The following HP1BP3 variants were observed in gnomAD, a reference collection of about 807,000 sequenced individuals.
HP1BP3 encodes the protein heterochromatin protein 1 binding protein 3, also known as heterochromatin protein 1-binding protein 3.
In HP1BP3, 12 loss-of-function variants were observed where a neutral mutation model predicts 62.5. That is an observed-to-expected ratio of 0.19 (90% CI 0.12 to 0.31). HP1BP3 has a LOEUF of 0.31. Among genes scored for constraint, HP1BP3 ranks in the 10% least tolerant of loss-of-function variants. The probability of loss-of-function intolerance (pLI) is 1.00; values close to 1 mark genes in which losing one functional copy is unlikely to be tolerated. For missense variants in HP1BP3, 502 were observed against 651.8 expected (o/e 0.77, Z 2.50); for synonymous variants, 260 against 237.8 (o/e 1.09, Z -0.86).
In HP1BP3 at chr1:20,744,987, G is replaced by C; in HGVS notation, c.1472C>G (p.Ala491Gly). 1.2e-6 allele frequency: 2 copies of C among 1,614,190 alleles called. No individual in the cohort carries two copies. Among genetic ancestry groups the C allele is most frequent in the African/African-American group, 2.7e-5 (2 of 75,046 alleles). The change falls in exon 13 of 13, where the codon GCT becomes GGT. Residue 491 changes from alanine to glycine, a missense_variant. Transcript: ENST00000438032. Reference protein sequence around the residue: ...PKVSAAQRGKARPLPKKAPPK... With the variant: ...PKVSAAQRGKGRPLPKKAPPK... ...AGGTGCTTTCTTAGGCAAGGGCCTAGCTTTCCCCCGCTGGGCAGCTGAGAC... is the reference window on the plus strand; with the variant it reads ...AGGTGCTTTCTTAGGCAAGGGCCTACCTTTCCCCCGCTGGGCAGCTGAGAC...
At position 20,771,189 on chromosome 1, in the gene HP1BP3, A is replaced by G. The variant is rs990942243; in HGVS notation, c.511-116T>C. Reference sequence around the variant, plus strand: ...ATGATAGATGACAAAAACGGTAGGGAAGAATGAACTTCAGAAGACTTCAGT... The same window carrying G: ...ATGATAGATGACAAAAACGGTAGGGGAGAATGAACTTCAGAAGACTTCAGT... On this transcript the variant is annotated intron_variant, in intron 5 of 12. Coordinates refer to ENST00000438032, the MANE Select transcript of HP1BP3 (RefSeq NM_001372052.1). The G allele has an allele frequency of 1.1e-5, 9 of 785,382 alleles. No homozygotes were observed. The Admixed American group carries it at 2.6e-4, about 23-fold the overall frequency. 48.7% of individuals were successfully genotyped at this position (785,382 alleles called of 1,614,324 possible).
At chr1:20,782,645 G>C (rs2057614618) in intron 1 of HP1BP3, among the ~76,000 whole-genome samples, 1 of 151,372 alleles carries the variant, frequency 6.6e-6, no homozygotes, top group Admixed American at 6.6e-5. Context: ...GCTCACGCCT[G>C]TATCTCAGCA....
At chr1:20,751,375 T>C (rs1485109989) in intron 9 of HP1BP3, among the ~76,000 whole-genome samples, 1 of 151,824 alleles carries the variant, frequency 6.6e-6, no homozygotes, top group Non-Finnish European at 1.5e-5. Context: ...TTATAAAAAA[T>C]AATAAATAGC....
intron 3 of HP1BP3, among the ~76,000 whole-genome samples, chr1:20,778,719 AGAGTATATT>A (rs1332162786): frequency 6.6e-6 from 1 of 152,150 alleles, no homozygotes; most frequent in Non-Finnish European, 1.5e-5. Context: ...CAGCCAGAAA[AGAGTATATT>A]GACTGGTTAT....
chr1:20,776,659 T>C lies in HP1BP3; in HGVS notation c.288A>G (p.Pro96=), dbSNP rs1453308311. 6.2e-7 allele frequency: 1 copy of C among 1,613,960 alleles called. No homozygotes were observed. Among genetic ancestry groups the C allele is most frequent in the African/African-American group, 1.3e-5 (1 of 74,944 alleles). Residue 96 remains proline, a synonymous_variant, in exon 4 of 13, where the codon CCA becomes CCG. Transcript: ENST00000438032. ...TCTCTTCATTCTCAGGTTCCCCCTTTGGCTGCTCTGCCTCACTCGAAGTAG... is the reference window on the plus strand; with the variant it reads ...TCTCTTCATTCTCAGGTTCCCCCTTCGGCTGCTCTGCCTCACTCGAAGTAG... ...PPATSSEAEQ[P]KGEPENEEKE...
chr1:20,747,892 C>G (rs1429520094), intron 10 of HP1BP3, among the ~76,000 whole-genome samples: 1 of 151,980 alleles, frequency 6.6e-6, no homozygotes, highest in African/African-American at 2.4e-5. Flanking sequence ...TAAAATTTTG[C>G]AAAATATAGA....
chr1:20,769,926 G>T (rs1201966984), intron 6 of HP1BP3, among the ~76,000 whole-genome samples: 1 of 152,156 alleles, frequency 6.6e-6, no homozygotes, highest in Non-Finnish European at 1.5e-5. Flanking sequence ...AAACAGGCAG[G>T]GGGTATAGAA....
chr1:20,745,789 G>A (rs904710950), intron 11 of HP1BP3, 133 bp from the exon 12 acceptor site: 18 of 813,938 alleles, frequency 2.2e-5, no homozygotes, highest in African/African-American at 5.2e-5. Flanking sequence ...TAGGTTACAC[G>A]TATCAGGTTA....
At chr1:20,750,006 A>C in intron 9 of HP1BP3, 124 bp from the exon 10 acceptor site, 2 of 1,458,360 alleles carry the variant, frequency 1.4e-6, no homozygotes, top group Non-Finnish European at 1.8e-6. Context: ...TTTACAATAA[A>C]TTGTCAGCTT....
intron 3 of HP1BP3, among the ~76,000 whole-genome samples, chr1:20,777,949 G>C (rs1404849797): frequency 6.6e-6 from 1 of 152,152 alleles, no homozygotes; most frequent in Non-Finnish European, 1.5e-5. Context: ...TGGGGATAAA[G>C]ATAATAACTA....
At chr1:20,745,471 C>G in intron 12 of HP1BP3, 72 bp downstream of exon 12, 4 of 1,536,188 alleles carry the variant, frequency 2.6e-6, no homozygotes, top group Non-Finnish European at 3.5e-6. Flanking sequence ...GCTTTAGCCC[C>G]TCCTATAGCA....
At chr1:20,753,905 T>C (rs146208563) in intron 9 of HP1BP3, among the ~76,000 whole-genome samples, 24 of 152,304 alleles carry the variant, frequency 1.6e-4, no homozygotes, top group Admixed American at 5.2e-4. Context: ...GAAAAACCTA[T>C]AGCTAACTTG....
intron 9 of HP1BP3, among the ~76,000 whole-genome samples, chr1:20,750,861 A>G (rs2055699885): frequency 7.9e-6 from 1 of 126,052 alleles, no homozygotes; most frequent in Admixed American, 9.8e-5. Flanking sequence ...TCTGTTGCCC[A>G]GGCTGGATTG....
chr1:20,765,972 A>AAC (rs966808491), intron 7 of HP1BP3, among the ~76,000 whole-genome samples: 2 of 150,676 alleles, frequency 1.3e-5, no homozygotes, highest in South Asian at 2.1e-4. Context: ...CTCAAAAAAA[A>AAC]AAAAAAACAA....
intron 12 of HP1BP3, 39 bp downstream of exon 12, chr1:20,745,504 T>A (rs752973525): frequency 1.2e-6 from 2 of 1,606,078 alleles, no homozygotes; most frequent in African/African-American, 2.7e-5. Context: ...TCTGAGGTAT[T>A]TAGTGTCCTC....
intron 9 of HP1BP3, 88 bp downstream of exon 9, chr1:20,757,078 T>G: frequency 1.4e-6 from 1 of 709,672 alleles, no homozygotes; most frequent in Non-Finnish European, 2.5e-6. Flanking sequence ...TTCTTTGAGG[T>G]CCTCAATAAA....
chr1:20,778,548 G>C (rs141192621), intron 3 of HP1BP3, among the ~76,000 whole-genome samples: 114 of 152,344 alleles, frequency 7.5e-4, no homozygotes, highest in Non-Finnish European at 1.4e-3. Flanking sequence ...GGACCACCAA[G>C]TGGCTTATCC....
intron 10 of HP1BP3, among the ~76,000 whole-genome samples, chr1:20,749,346 TTTTTC>T (rs1389277374): frequency 1.3e-5 from 2 of 150,850 alleles, no homozygotes; most frequent in Admixed American, 6.6e-5. Flanking sequence ...CTATGATTTT[TTTTTC>T]TTTTCTTTTC....
intron 4 of HP1BP3, chr1:20,775,913 C>A: frequency 6.9e-7 from 1 of 1,456,414 alleles, no homozygotes; most frequent in Non-Finnish European, 9.0e-7. Flanking sequence ...AGAATGTATA[C>A]CCATTGTTAA....
Sources: allele counts gnomAD v4.1 joint callset (sites outside exome capture counted in the v4.1 genomes callset), GRCh38; gene constraint gnomAD v4.1.1; transcripts MANE v1.5; gene names NCBI Gene and HGNC (gene_info 2026-07-23, HGNC 2026-07-21).